Variants in EXOC4 observed in about 807,000 individuals in gnomAD.
EXOC4 encodes exocyst complex component 4.
Under a neutral mutation model 107.2 loss-of-function variants are expected in EXOC4, and 71 were observed. That is an observed-to-expected ratio of 0.66 (90% CI 0.55 to 0.81). EXOC4 has a LOEUF of 0.81. EXOC4 is among the 30% of genes least tolerant of loss of function. EXOC4 has a pLI of 0.00. For missense variants in EXOC4, 1,108 were observed against 1,189.6 expected (o/e 0.93, Z 1.01); for synonymous variants, 456 against 441.2 (o/e 1.03, Z -0.42).
chr7:133,938,835 C>T (rs536932402), intron 14 of EXOC4, among the ~76,000 whole-genome samples: 6 of 152,320 alleles, frequency 3.9e-5, no homozygotes, highest in Admixed American at 2.6e-4. Flanking sequence ...GACAGTCTCA[C>T]TCTGTTGCCC....
intron 14 of EXOC4, among the ~76,000 whole-genome samples, chr7:133,971,061 T>C (rs927604905): frequency 2.6e-5 from 4 of 151,986 alleles, no homozygotes; most frequent in African/African-American, 9.7e-5. Flanking sequence ...TCATGAGATA[T>C]AGAGGTTATA....
rs1215332014 is a variant in EXOC4, at chr7:133,584,579, T to TTG, written c.1418-45465_1418-45464insGT. Among the ~76,000 whole-genome samples the TTG allele has an allele frequency of 1.3e-4, 17 of 134,954 alleles. 1 individual carries two copies. The South Asian group carries it at 3.1e-3, about 25-fold the overall frequency. The allele number at this position is 134,954 out of a possible 152,430, so 88.5% of individuals were successfully genotyped here. A position where few individuals can be genotyped will look rare whatever the true frequency, so the allele number is the denominator to read the frequency against. ...TTTGTTTTTTACGTATTTCAGTTTT[T>TTG]TTTTTGTTTTTTTTTTTGAGACAGA... On this transcript the variant is annotated intron_variant, in intron 9 of 17. Coordinates refer to ENST00000253861, the MANE Select transcript of EXOC4 (RefSeq NM_021807.4).
At chr7:133,270,405 T>A (rs1793839712) in intron 1 of EXOC4, among the ~76,000 whole-genome samples, 1 of 152,190 alleles carries the variant, frequency 6.6e-6, no homozygotes, top group African/African-American at 2.4e-5. Context: ...TATGTGAGTG[T>A]TACCTGTTTT....
intron 10 of EXOC4, among the ~76,000 whole-genome samples, chr7:133,775,509 G>A (rs1282990866): frequency 1.3e-5 from 2 of 152,160 alleles, no homozygotes; most frequent in Non-Finnish European, 2.9e-5. Flanking sequence ...AATAAAGTTA[G>A]CAAGAGGATA....
At chr7:133,664,508 C>T (rs1793769047) in intron 10 of EXOC4, among the ~76,000 whole-genome samples, 1 of 152,128 alleles carries the variant, frequency 6.6e-6, no homozygotes, top group Non-Finnish European at 1.5e-5. Context: ...ACAGAGGTGC[C>T]TCTGAATACC....
intron 7 of EXOC4, 87 bp downstream of exon 7, chr7:133,375,089 A>G (rs1796459911): frequency 9.3e-7 from 1 of 1,079,722 alleles, no homozygotes; most frequent in East Asian, 2.5e-5. Flanking sequence ...GCCACCTAAA[A>G]CACTATCTTA....
rs184289542 is a variant in EXOC4, at chr7:133,490,423, A to G, written c.1417+10285A>G. ...TTCTGGGAAAGGCAGGGAGGCATCT[A>G]TAAGTATTTAAAGCTTAAACTCGGT... On this transcript the variant is annotated intron_variant, in intron 9 of 17. Coordinates refer to ENST00000253861, the MANE Select transcript of EXOC4 (RefSeq NM_021807.4). Among the ~76,000 whole-genome samples, 161 of 152,296 alleles carry G rather than the reference A, an allele frequency of 1.1e-3. No individual in the cohort carries two copies. The Middle Eastern group carries it at 0.014, about 13-fold the overall frequency.
intron 7 of EXOC4, among the ~76,000 whole-genome samples, chr7:133,388,767 T>A (rs1796785855): frequency 6.6e-6 from 1 of 152,236 alleles, no homozygotes; most frequent in African/African-American, 2.4e-5. Context: ...TGAATCAGGA[T>A]CCAAATAAGG....
At chr7:133,397,645 A>G (rs1797000525) in intron 7 of EXOC4, among the ~76,000 whole-genome samples, 1 of 151,926 alleles carries the variant, frequency 6.6e-6, no homozygotes, top group Non-Finnish European at 1.5e-5. Flanking sequence ...TATCTTCTGT[A>G]TATTATTCCA....
intron 11 of EXOC4, among the ~76,000 whole-genome samples, chr7:133,854,408 G>GCGCACACACA (rs149648016): frequency 3.7e-4 from 52 of 139,470 alleles, no homozygotes; most frequent in African/African-American, 1.4e-3. Context: ...TGTTGAAAGA[G>GCGCACACACA]CACACACACA....
chr7:133,338,132 T>A (rs745946094), intron 5 of EXOC4, among the ~76,000 whole-genome samples: 1 of 151,970 alleles, frequency 6.6e-6, no homozygotes, highest in Non-Finnish European at 1.5e-5. Flanking sequence ...TGCTTTCTTT[T>A]GGTTTGTTAC....
intron 9 of EXOC4, among the ~76,000 whole-genome samples, chr7:133,505,341 C>T (rs1799647685): frequency 1.3e-5 from 2 of 151,978 alleles, no homozygotes; most frequent in Admixed American, 6.6e-5. Context: ...GTACCTTTGT[C>T]TCTGAGCCCA....
intron 9 of EXOC4, among the ~76,000 whole-genome samples, chr7:133,594,758 C>T (rs776606829): frequency 6.6e-6 from 1 of 152,084 alleles, no homozygotes; most frequent in Admixed American, 6.5e-5. Context: ...TCCCAGAGTG[C>T]TGGGATTACA....
intron 9 of EXOC4, among the ~76,000 whole-genome samples, chr7:133,549,983 A>G (rs1800554742): frequency 6.6e-6 from 1 of 152,194 alleles, no homozygotes; most frequent in African/African-American, 2.4e-5. Context: ...TACTTTCCAT[A>G]GCCATAAGTT....
At chr7:133,759,808 G>A (rs1245578347) in intron 10 of EXOC4, among the ~76,000 whole-genome samples, 1 of 152,188 alleles carries the variant, frequency 6.6e-6, no homozygotes, top group African/African-American at 2.4e-5. Context: ...GGGCGTGGGG[G>A]TGGTCAGAGT....
intron 13 of EXOC4, among the ~76,000 whole-genome samples, chr7:133,930,235 C>G (rs1360463692): frequency 6.6e-6 from 1 of 152,128 alleles, no homozygotes; most frequent in Non-Finnish European, 1.5e-5. Flanking sequence ...ACAGTGACTC[C>G]TGGCAGAAAA....
At chr7:133,695,492 T>A (rs974295376) in intron 10 of EXOC4, among the ~76,000 whole-genome samples, 18 of 152,138 alleles carry the variant, frequency 1.2e-4, no homozygotes, top group Non-Finnish European at 1.8e-4. Flanking sequence ...GCATTTTTTT[T>A]AATAAGAAAG....
At chr7:133,390,430 C>T (rs960185542) in intron 7 of EXOC4, among the ~76,000 whole-genome samples, 3 of 152,090 alleles carry the variant, frequency 2.0e-5, no homozygotes, top group Non-Finnish European at 2.9e-5. Context: ...GGAGATTCCA[C>T]TGGGGATGTA....
rs199583151 is a variant in EXOC4 at position 133,979,787 on chromosome 7, C to CA, written c.2207-17696dup. Among the ~76,000 whole-genome samples, 119 of 147,514 alleles carry CA rather than the reference C, an allele frequency of 8.1e-4. 1 individual carries two copies. Among genetic ancestry groups the CA allele is most frequent in the East Asian group, 4.4e-3 (22 of 5,032 alleles). On this transcript the variant is annotated intron_variant, in intron 14 of 17. Transcript: ENST00000253861. ...TGGGCGACAGAGCGAGACTCCATCTCAAAAAAAAAGAAAAAAAAACCCTAA... is the reference window on the plus strand; with the variant it reads ...TGGGCGACAGAGCGAGACTCCATCTCAAAAAAAAAAGAAAAAAAAACCCTAA...
Sources: allele counts gnomAD v4.1 joint callset (sites outside exome capture counted in the v4.1 genomes callset), GRCh38; gene constraint gnomAD v4.1.1; transcripts MANE v1.5; gene names NCBI Gene and HGNC (gene_info 2026-07-23, HGNC 2026-07-21).